Variants in BRINP3 observed in about 807,000 individuals in gnomAD.
BRINP3 encodes the protein BMP/retinoic acid inducible neural specific 3.
A neutral mutation model predicts 71.0 loss-of-function variants in BRINP3; 19 were observed. The ratio of observed to expected loss-of-function variants is 0.27; its 90% CI spans 0.19 to 0.39. The LOEUF (loss-of-function observed/expected upper bound fraction) is 0.39, where lower values mean the gene tolerates loss of function less well. BRINP3 is among the 10% of genes least tolerant of loss of function. The probability of loss-of-function intolerance (pLI) is 1.00; values close to 1 mark genes in which losing one functional copy is unlikely to be tolerated. For missense variants in BRINP3, 959 were observed against 940.8 expected (o/e 1.02, Z -0.25); for synonymous variants, 380 against 337.7 (o/e 1.13, Z -1.37).
chr1:190,438,353 T>C (rs1674602026), intron 2 of BRINP3, among the ~76,000 whole-genome samples: 1 of 151,774 alleles, frequency 6.6e-6, no homozygotes, highest in Non-Finnish European at 1.5e-5. Flanking sequence ...AGATATAAAA[T>C]AACACTATCA....
At chr1:190,418,617 A>G (rs1245334888) in intron 2 of BRINP3, among the ~76,000 whole-genome samples, 1 of 152,212 alleles carries the variant, frequency 6.6e-6, no homozygotes, top group Non-Finnish European at 1.5e-5. Context: ...AAATCCTTTT[A>G]GGTATAATTT....
intron 2 of BRINP3, among the ~76,000 whole-genome samples, chr1:190,369,222 G>T (rs148870524): frequency 4.0e-5 from 6 of 151,862 alleles, no homozygotes; most frequent in Admixed American, 2.6e-4. Context: ...TATTATAATC[G>T]GGACTCCAAC....
intron 6 of BRINP3, among the ~76,000 whole-genome samples, chr1:190,222,157 C>A (rs1203173952): frequency 6.6e-6 from 1 of 151,786 alleles, no homozygotes; most frequent in African/African-American, 2.4e-5. Context: ...CAGAATAGGT[C>A]ATATCTTAAG....
chr1:190,191,539 G>A (rs1166570391), intron 6 of BRINP3, among the ~76,000 whole-genome samples: 1 of 152,058 alleles, frequency 6.6e-6, no homozygotes, highest in African/African-American at 2.4e-5. Context: ...GTTTGCTGAG[G>A]ATGATGGCCT....
intron 2 of BRINP3, among the ~76,000 whole-genome samples, chr1:190,312,983 G>A (rs1054069123): frequency 6.6e-6 from 1 of 151,600 alleles, no homozygotes; most frequent in African/African-American, 2.4e-5. Flanking sequence ...CCTTATAATA[G>A]CTACCATTAA....
intron 7 of BRINP3, among the ~76,000 whole-genome samples, chr1:190,146,631 T>C (rs889378678): frequency 6.6e-6 from 1 of 152,114 alleles, no homozygotes; most frequent in Admixed American, 6.6e-5. Context: ...TCATTATAGG[T>C]AGGAAACTGA....
At chr1:190,263,232 C>A (rs912920233) in intron 4 of BRINP3, among the ~76,000 whole-genome samples, 3 of 152,158 alleles carry the variant, frequency 2.0e-5, no homozygotes, top group African/African-American at 7.2e-5. Flanking sequence ...GTTTCTCTAA[C>A]AACATCTTAC....
intron 2 of BRINP3, among the ~76,000 whole-genome samples, chr1:190,281,984 A>G (rs1663076691): frequency 6.6e-6 from 1 of 151,644 alleles, no homozygotes; most frequent in Non-Finnish European, 1.5e-5. Context: ...TTCCACTGAG[A>G]TTTTTTTCCC....
At chr1:190,376,918 G>C (rs984126493) in intron 2 of BRINP3, among the ~76,000 whole-genome samples, 2 of 151,976 alleles carry the variant, frequency 1.3e-5, no homozygotes, top group Non-Finnish European at 2.9e-5. Flanking sequence ...GCATGGTCTA[G>C]AGCAGTGCTA....
At chr1:190,469,586 T>C (rs933697792) in intron 1 of BRINP3, among the ~76,000 whole-genome samples, 3 of 151,048 alleles carry the variant, frequency 2.0e-5, no homozygotes, top group African/African-American at 7.3e-5. Context: ...AAAAACAGTA[T>C]TTCTTCTGTG....
Position 190,338,232 on chromosome 1 carries a change from T to C in BRINP3, c.237-56482A>G, listed in dbSNP as rs181892593. Reference sequence around the variant, plus strand: ...CTTTTGCTGTAGTATCTAAAGCTAGTAGGAAACTAAATAGAGCAGACTATC... The same window carrying C: ...CTTTTGCTGTAGTATCTAAAGCTAGCAGGAAACTAAATAGAGCAGACTATC... On this transcript the variant is annotated intron_variant, in intron 2 of 7. Transcript: ENST00000367462. Among the ~76,000 whole-genome samples, 312 of 152,174 alleles carry C rather than the reference T, an allele frequency of 2.1e-3. 5 individuals are homozygous for C. The highest frequency in any genetic ancestry group is 1.5e-3 in the South Asian group (7 of 4,824).
chr1:190,229,645 AACACACACACAC>A (rs71794093), intron 5 of BRINP3, among the ~76,000 whole-genome samples: 57 of 133,520 alleles, frequency 4.3e-4, no homozygotes, highest in African/African-American at 6.9e-4. Flanking sequence ...AACAAAACAA[AACACACACACAC>A]ACACACACAC....
intron 6 of BRINP3, among the ~76,000 whole-genome samples, chr1:190,179,886 C>T (rs906917273): frequency 1.3e-5 from 2 of 152,078 alleles, no homozygotes; most frequent in Non-Finnish European, 2.9e-5. Flanking sequence ...AACCATCTGA[C>T]CTTAAAGATA....
chr1:190,315,856 T>G (rs939618722), intron 2 of BRINP3, among the ~76,000 whole-genome samples: 1 of 152,120 alleles, frequency 6.6e-6, no homozygotes, highest in African/African-American at 2.4e-5. Flanking sequence ...ACTCATCACC[T>G]ACCTCATTTC....
At chr1:190,237,527 A>G (rs535478415) in intron 4 of BRINP3, among the ~76,000 whole-genome samples, 2 of 152,096 alleles carry the variant, frequency 1.3e-5, no homozygotes, top group East Asian at 3.9e-4. Context: ...ACAAATTCCC[A>G]TGATGGAAAT....
chr1:190,473,382 C>T (rs1677271855), intron 1 of BRINP3, among the ~76,000 whole-genome samples: 5 of 151,738 alleles, frequency 3.3e-5, no homozygotes, highest in Admixed American at 3.3e-4. Flanking sequence ...TATCAGTAAG[C>T]CATACTAGCA....
rs182987075 is a variant in BRINP3 at position 190,293,492 on chromosome 1, G to T, written c.237-11742C>A. On this transcript the variant is annotated intron_variant, in intron 2 of 7. Transcript: ENST00000367462. ...TGTTGATGAGAAGATTGTTTATTCT[G>T]CAGCAGTTTGAGTGAAATGTTCTGG... 5.4e-3 allele frequency among the ~76,000 whole-genome samples: 828 copies of T among 152,184 alleles called. 5 individuals carry two copies. The highest frequency in any genetic ancestry group is 0.018 in the African/African-American group (757 of 41,548).
chr1:190,239,420 T>G (rs1658839038), intron 4 of BRINP3, among the ~76,000 whole-genome samples: 2 of 152,074 alleles, frequency 1.3e-5, no homozygotes, highest in South Asian at 4.1e-4. Flanking sequence ...TGCCTAATCT[T>G]GAACTTCCAT....
chr1:190,444,030 C>G (rs1483628935), intron 2 of BRINP3, among the ~76,000 whole-genome samples: 1 of 151,914 alleles, frequency 6.6e-6, no homozygotes, highest in Admixed American at 6.6e-5. Context: ...GTTGGGAGTT[C>G]GAGACCAGCC....
Sources: allele counts gnomAD v4.1 joint callset (sites outside exome capture counted in the v4.1 genomes callset), GRCh38; gene constraint gnomAD v4.1.1; transcripts MANE v1.5; gene names NCBI Gene and HGNC (gene_info 2026-07-23, HGNC 2026-07-21).